Variants in ASB3 observed in about 807,000 individuals in gnomAD.
ASB3 encodes ankyrin repeat and SOCS box protein 3.
Under a neutral mutation model 54.5 loss-of-function variants are expected in ASB3, and 41 were observed. The ratio of observed to expected loss-of-function variants is 0.75; its 90% confidence interval spans 0.59 to 0.98. The LOEUF (loss-of-function observed/expected upper bound fraction) is 0.98, where lower values mean the gene tolerates loss of function less well. Among genes scored for constraint, ASB3 ranks in the 50% least tolerant of loss-of-function variants. The pLI is 0.00. For synonymous variants in ASB3, 266 were observed against 221.2 expected (o/e 1.20, Z -1.80); for missense variants, 733 against 620.0 (o/e 1.18, Z -1.94).
intron 8 of ASB3, among the ~76,000 whole-genome samples, chr2:53,696,344 T>C (rs1006048272): frequency 1.3e-5 from 2 of 152,074 alleles, no homozygotes; most frequent in Non-Finnish European, 2.9e-5. Flanking sequence ...ACACACCCAA[T>C]GGCTTATTGC....
intron 3 of ASB3, among the ~76,000 whole-genome samples, chr2:53,735,512 C>T (rs954268062): frequency 1.4e-5 from 2 of 145,196 alleles, no homozygotes; most frequent in African/African-American, 5.2e-5. Context: ...GTAGAATACA[C>T]CATGTTCATA....
intron 1 of ASB3, among the ~76,000 whole-genome samples, chr2:53,765,988 T>C (rs1673428930): frequency 6.6e-6 from 1 of 152,082 alleles, no homozygotes; most frequent in Admixed American, 6.5e-5. Flanking sequence ...CACTACATTA[T>C]GCAGAGATGG....
rs1573026246 is a variant in ASB3 at position 53,776,287 on chromosome 2, G to A, written c.-14+10534C>T. On this transcript the variant is annotated intron_variant, in intron 1 of 9. Coordinates refer to ENST00000263634, the MANE Select transcript of ASB3 (RefSeq NM_016115.5). ...TTCCAGACGGCATTTCACTTGTCCT[G>A]TAAAACAGAAAGGGTGATAAATTTA... 2.6e-5 allele frequency among the ~76,000 whole-genome samples: 4 copies of A among 152,236 alleles called. No homozygotes were observed. In the South Asian group the frequency reaches 8.3e-4, roughly 32 times the overall value.
At chr2:53,693,033 A>G (rs555376753) in intron 9 of ASB3, among the ~76,000 whole-genome samples, 2 of 152,304 alleles carry the variant, frequency 1.3e-5, no homozygotes, top group South Asian at 4.1e-4. Flanking sequence ...ATTTTCCAAA[A>G]ATTAGAAGAC....
At chr2:53,683,874 G>T (rs996894894) in intron 9 of ASB3, among the ~76,000 whole-genome samples, 9 of 151,920 alleles carry the variant, frequency 5.9e-5, no homozygotes, top group Non-Finnish European at 8.8e-5. Context: ...ATGTTCGTTA[G>T]TTTTGTGTAT....
chr2:53,738,457 A>T (rs1311853788), intron 3 of ASB3, among the ~76,000 whole-genome samples: 1 of 152,240 alleles, frequency 6.6e-6, no homozygotes, highest in Non-Finnish European at 1.5e-5. Flanking sequence ...AATGGAATAA[A>T]ATTAAAATTT....
rs926946635 is a variant in ASB3, at chr2:53,704,962, A to G, written c.981-4434T>C. 2.0e-5 allele frequency among the ~76,000 whole-genome samples: 3 copies of G among 152,202 alleles called. No homozygotes were observed. The East Asian group carries it at 5.8e-4, about 29-fold the overall frequency. Reference sequence around the variant, plus strand: ...TTTGAAGCCATTTAATTATCACTCTAGATGAGATAAGTGACTATTATTTCA... The same window carrying G: ...TTTGAAGCCATTTAATTATCACTCTGGATGAGATAAGTGACTATTATTTCA... On this transcript the variant is annotated intron_variant, in intron 7 of 9. Transcript: ENST00000263634.
intron 3 of ASB3, among the ~76,000 whole-genome samples, chr2:53,734,311 T>A (rs1019462500): frequency 1.3e-5 from 2 of 152,194 alleles, no homozygotes; most frequent in African/African-American, 4.8e-5. Flanking sequence ...CTGTTCAACC[T>A]GCAGACTAGT....
chr2:53,758,625 C>G (rs549346968), intron 2 of ASB3, among the ~76,000 whole-genome samples: 8 of 152,134 alleles, frequency 5.3e-5, no homozygotes, highest in Non-Finnish European at 1.2e-4. Context: ...GGACCCCTTT[C>G]TTTGTGGTCA....
At chr2:53,766,030 T>C (rs1572996383) in intron 1 of ASB3, among the ~76,000 whole-genome samples, 1 of 152,194 alleles carries the variant, frequency 6.6e-6, no homozygotes, top group East Asian at 1.9e-4. Context: ...TCAGCCTCAA[T>C]ATACAGCCCT....
In ASB3 at chr2:53,710,816, T is replaced by C. The variant is rs74739663; in HGVS notation, c.980+3568A>G. On this transcript the variant is annotated intron_variant, in intron 7 of 9. Coordinates refer to ENST00000263634, the MANE Select transcript of ASB3 (RefSeq NM_016115.5). Reference sequence around the variant, plus strand: ...GTCTAGCCTGAGACTCTGATGATAGTTCAAATCTTACTTTCAACATTTTGG... The same window carrying C: ...GTCTAGCCTGAGACTCTGATGATAGCTCAAATCTTACTTTCAACATTTTGG... 4.5e-3 allele frequency among the ~76,000 whole-genome samples: 678 copies of C among 152,288 alleles called. 7 individuals are homozygous for C. Among genetic ancestry groups the C allele is most frequent in the African/African-American group, 0.015 (644 of 41,560 alleles).
intron 7 of ASB3, among the ~76,000 whole-genome samples, chr2:53,710,916 C>T (rs1011292263): frequency 6.6e-6 from 1 of 151,762 alleles, no homozygotes; most frequent in South Asian, 2.1e-4. Context: ...CACCTGAGCT[C>T]GGAGTTCAAG....
rs1398267890 is a variant in ASB3, at chr2:53,768,202, G to A, written c.-13-2617C>T. On this transcript the variant is annotated intron_variant, in intron 1 of 9. Coordinates refer to ENST00000263634, the MANE Select transcript of ASB3 (RefSeq NM_016115.5). ...CTGCCCGCCATCTCTAACCCAGCCCGGGCACTCCTTCCGAAGCTGCTTAAG... is the reference window on the plus strand; with the variant it reads ...CTGCCCGCCATCTCTAACCCAGCCCAGGCACTCCTTCCGAAGCTGCTTAAG... 7.2e-6 allele frequency: 5 copies of A among 689,774 alleles called. No individual in the cohort carries two copies. The East Asian group carries it at 8.6e-5, about 12-fold the overall frequency. 42.7% of individuals were successfully genotyped at this position (689,774 alleles called of 1,614,324 possible).
chr2:53,676,126 C>T (rs1187261182), intron 9 of ASB3, among the ~76,000 whole-genome samples: 1 of 152,116 alleles, frequency 6.6e-6, no homozygotes, highest in Admixed American at 6.6e-5. Flanking sequence ...TATATTGTAT[C>T]ACAGACAATG....
Position 53,670,492 on chromosome 2 carries a change from G to C in ASB3, c.*11C>G, listed in dbSNP as rs768859525. On this transcript the variant is annotated 3_prime_UTR_variant, in exon 10 of 10. Coordinates refer to ENST00000263634, the MANE Select transcript of ASB3 (RefSeq NM_016115.5). ...AGAAAAAAATTAGCTGTGTTAAGTA[G>C]TTTCACTGATTTATCCATCTTGAAT... 1.2e-6 allele frequency: 2 copies of C among 1,610,822 alleles called. No homozygotes were observed. Among genetic ancestry groups the C allele is most frequent in the East Asian group, 4.5e-5 (2 of 44,830 alleles).
At chr2:53,774,844 A>G (rs189451949) in intron 1 of ASB3, 61 of 197,046 alleles carry the variant, frequency 3.1e-4, no homozygotes, top group African/African-American at 4.6e-5. Context: ...TCCCAATACT[A>G]TTTTGAAATT....
At chr2:53,719,890 T>A in intron 5 of ASB3, among the ~76,000 whole-genome samples, 1 of 151,888 alleles carries the variant, frequency 6.6e-6, no homozygotes, top group East Asian at 1.9e-4. Context: ...GAAAGGAAAA[T>A]AAATCTTGGG....
intron 1 of ASB3, among the ~76,000 whole-genome samples, chr2:53,785,769 G>A (rs1289080125): frequency 1.3e-5 from 2 of 152,242 alleles, no homozygotes; most frequent in Non-Finnish European, 2.9e-5. Flanking sequence ...TTGAACTCCA[G>A]AGGCGGAGGT....
At chr2:53,767,805 C>T in intron 1 of ASB3, 1 of 1,518,496 alleles carries the variant, frequency 6.6e-7, no homozygotes. Flanking sequence ...CGGCCGGTTA[C>T]TCGCTTACCG....
Sources: allele counts gnomAD v4.1 joint callset (sites outside exome capture counted in the v4.1 genomes callset), GRCh38; gene constraint gnomAD v4.1.1; transcripts MANE v1.5; gene names NCBI Gene and HGNC (gene_info 2026-07-23, HGNC 2026-07-21).